The following DGKG variants were observed in gnomAD, a reference collection of about 807,000 sequenced individuals.
DGKG encodes diacylglycerol kinase gamma, also known as DAG kinase gamma.
Under a neutral mutation model 105.3 loss-of-function variants are expected in DGKG, and 78 were observed. The observed-to-expected ratio is 0.74, with a 90% confidence interval of 0.62 to 0.89. The LOEUF (loss-of-function observed/expected upper bound fraction) is 0.89. DGKG is among the 40% of genes least tolerant of loss of function. The pLI is 0.00. For synonymous variants in DGKG, 346 were observed against 367.1 expected (o/e 0.94, Z 0.66); for missense variants, 958 against 1,020.1 (o/e 0.94, Z 0.83).
rs569608522 is a variant in DGKG at position 186,230,440 on chromosome 3, T to C, written c.1826+12064A>G. Reference sequence around the variant, plus strand: ...AGGAGATGTCATCTAGGTTGAGGGATTGAGGGAATGAGAGCAGCTGTGTGG... The same window carrying C: ...AGGAGATGTCATCTAGGTTGAGGGACTGAGGGAATGAGAGCAGCTGTGTGG... On this transcript the variant is annotated intron_variant, in intron 20 of 24. Transcript: ENST00000265022. Among the ~76,000 whole-genome samples, 11 of 151,964 alleles carry C rather than the reference T, an allele frequency of 7.2e-5. No individual in the cohort carries two copies. The South Asian group carries it at 2.3e-3, about 32-fold the overall frequency.
At chr3:186,233,613 G>A (rs1720265779) in intron 20 of DGKG, among the ~76,000 whole-genome samples, 1 of 152,164 alleles carries the variant, frequency 6.6e-6, no homozygotes, top group Non-Finnish European at 1.5e-5. Context: ...CCGAGTAGCT[G>A]GGACTACAGG....
At chr3:186,333,812 G>A (rs1725705900) in intron 1 of DGKG, among the ~76,000 whole-genome samples, 1 of 152,188 alleles carries the variant, frequency 6.6e-6, no homozygotes, top group Non-Finnish European at 1.5e-5. Context: ...AGACAGCTCT[G>A]TAAAAATGCC....
intron 1 of DGKG, among the ~76,000 whole-genome samples, chr3:186,344,353 A>G (rs1303586082): frequency 6.6e-6 from 1 of 151,980 alleles, no homozygotes; most frequent in East Asian, 1.9e-4. Context: ...CATCAGTGAC[A>G]GATTGGATAA....
At chr3:186,233,535 A>C (rs191830851) in intron 20 of DGKG, among the ~76,000 whole-genome samples, 21 of 152,252 alleles carry the variant, frequency 1.4e-4, no homozygotes, top group African/African-American at 4.8e-4. Flanking sequence ...GCTGGACTGC[A>C]GTGGCGCGAT....
intron 4 of DGKG, 140 bp downstream of exon 4, chr3:186,297,924 G>C: frequency 1.1e-6 from 1 of 920,862 alleles, no homozygotes; most frequent in Non-Finnish European, 1.6e-6. Context: ...ATGAGGAAAG[G>C]CGTCCCTGTC....
chr3:186,360,327 C>G (rs190318972), intron 1 of DGKG, among the ~76,000 whole-genome samples: 39 of 152,256 alleles, frequency 2.6e-4, no homozygotes, highest in Admixed American at 2.5e-3. Flanking sequence ...CTACTAGCTT[C>G]CCACCCTAAA....
In DGKG at chr3:186,273,947, C is replaced by T. The variant is rs1308053741; in HGVS notation, c.910+1600G>A. 2.6e-5 allele frequency among the ~76,000 whole-genome samples: 4 copies of T among 152,116 alleles called. 1 individual carries two copies. The highest frequency in any genetic ancestry group is 9.7e-5 in the African/African-American group (4 of 41,390). ...TTCTGGTGCCTGCCATGCCTTCTTGCTGCAGCCCCTCTGCCTTCTCCTCCT... is the reference window on the plus strand; with the variant it reads ...TTCTGGTGCCTGCCATGCCTTCTTGTTGCAGCCCCTCTGCCTTCTCCTCCT... On this transcript the variant is annotated intron_variant, in intron 10 of 24. Transcript: ENST00000265022.
chr3:186,197,602 C>T (rs1220051552), intron 21 of DGKG, among the ~76,000 whole-genome samples: 1 of 152,146 alleles, frequency 6.6e-6, no homozygotes, highest in Non-Finnish European at 1.5e-5. Flanking sequence ...CAGCCTCTCT[C>T]TGTGAATTAG....
Position 186,268,754 on chromosome 3 carries a change from C to CA in DGKG, c.1116+46dup, listed in dbSNP as rs748434433. ...CACTGCTCCTGGGCTGCAGCTTGGG[C>CA]AAAAAAACGTTGAAAAGAAGCAGGG... On this transcript the variant is annotated intron_variant, in intron 12 of 24. Transcript: ENST00000265022. The CA allele has an allele frequency of 5.1e-5, 71 of 1,402,168 alleles. No homozygotes were observed. In the African/African-American group the frequency reaches 6.1e-4, roughly 12 times the overall value. 86.9% of individuals were successfully genotyped at this position (1,402,168 alleles called of 1,614,324 possible). A position where few individuals can be genotyped will look rare whatever the true frequency, so the allele number is the denominator to read the frequency against.
chr3:186,161,887 C>CTG (rs34580207), intron 23 of DGKG, among the ~76,000 whole-genome samples: 24,092 of 150,194 alleles, frequency 0.16, 2,078 homozygotes, highest in South Asian at 0.29. Flanking sequence ...GTTTCTGTGT[C>CTG]TGTGTGTGTG....
chr3:186,256,876 G>C (rs1721502063), intron 17 of DGKG, among the ~76,000 whole-genome samples: 1 of 152,212 alleles, frequency 6.6e-6, no homozygotes, highest in African/African-American at 2.4e-5. Context: ...TTAGATTGCA[G>C]CCTTGAGCTC....
chr3:186,150,680 A>C (rs190240276), intron 24 of DGKG, among the ~76,000 whole-genome samples: 17 of 152,340 alleles, frequency 1.1e-4, no homozygotes, highest in Admixed American at 4.6e-4. Flanking sequence ...ACCTCTGACC[A>C]AGCACCATTA....
rs775643904 is a variant in DGKG at position 186,257,905 on chromosome 3, C to T, written c.1459G>A (p.Val487Ile). 9 of 1,614,060 alleles carry T rather than the reference C, an allele frequency of 5.6e-6. No homozygotes were observed. The African/African-American group carries it at 9.3e-5, about 17-fold the overall frequency. ...GTCCCATCTCCACCACAGGCCAAAA[C>T]ACGGAAGTCTGGAGTATCACGGAAA... The part of the protein sequence containing the change: ...NFFRDTPDFR[V>I]LACGGDGTVG... Residue 487 changes from valine (V) to isoleucine (I), a missense_variant, in exon 17 of 25, where the codon GTT becomes ATT. By Grantham distance (29) the Val-to-Ile change is conservative. Transcript: ENST00000265022.
chr3:186,300,556 G>A lies in DGKG; in HGVS notation c.145-2327C>T, dbSNP rs560068168. ...CTACTTTGATTTGACTGAATAATATGGCACTGTTCTTCATTAATTTATTTC... is the reference window on the plus strand; with the variant it reads ...CTACTTTGATTTGACTGAATAATATAGCACTGTTCTTCATTAATTTATTTC... On this transcript the variant is annotated intron_variant, in intron 3 of 24. Transcript: ENST00000265022. Among the ~76,000 whole-genome samples, 33 of 152,120 alleles carry A rather than the reference G, an allele frequency of 2.2e-4. 1 individual carries two copies. Among genetic ancestry groups the A allele is most frequent in the African/African-American group, 8.0e-4 (33 of 41,460 alleles).
chr3:186,160,172 A>G, intron 24 of DGKG: 2 of 985,174 alleles, frequency 2.0e-6, no homozygotes, highest in Non-Finnish European at 2.4e-6. Flanking sequence ...ATTTTTTCAT[A>G]GTGAGTTGTA....
At chr3:186,257,832 C>T (rs972713633) in intron 17 of DGKG, 22 bp downstream of exon 17, 21 of 1,585,220 alleles carry the variant, frequency 1.3e-5, no homozygotes, top group African/African-American at 6.7e-5. Context: ...AAGCAGCAAA[C>T]GCCCTCTCAG....
At chr3:186,260,408 A>G in intron 16 of DGKG, 31 bp downstream of exon 16, 1 of 1,509,596 alleles carries the variant, frequency 6.6e-7, no homozygotes, top group Non-Finnish European at 9.2e-7. Flanking sequence ...GGAGGGGGAG[A>G]AATAAGAGGT....
intron 11 of DGKG, among the ~76,000 whole-genome samples, chr3:186,271,271 C>A (rs1452980827): frequency 6.6e-6 from 1 of 152,144 alleles, no homozygotes; most frequent in Non-Finnish European, 1.5e-5. Flanking sequence ...GGAGCCATTC[C>A]CTACCTTTTC....
At chr3:186,204,220 C>T (rs1718612956) in intron 21 of DGKG, among the ~76,000 whole-genome samples, 1 of 152,038 alleles carries the variant, frequency 6.6e-6, no homozygotes, top group Non-Finnish European at 1.5e-5. Context: ...ATCAGCCTGG[C>T]CAACATGGTG....
Sources: allele counts gnomAD v4.1 joint callset (sites outside exome capture counted in the v4.1 genomes callset), GRCh38; gene constraint gnomAD v4.1.1; transcripts MANE v1.5; gene names NCBI Gene and HGNC (gene_info 2026-07-23, HGNC 2026-07-21).